The following PCDH11X variants were observed in gnomAD, a reference collection of about 807,000 sequenced individuals.
PCDH11X encodes protocadherin-11 X-linked.
PCDH11X carries 18 observed loss-of-function variants against 53.3 expected under a neutral mutation model. That is an observed-to-expected ratio of 0.34 (90% CI 0.23 to 0.50). PCDH11X has a LOEUF of 0.50. PCDH11X is among the 20% of genes least tolerant of loss of function. PCDH11X has a pLI of 0.98. For missense variants in PCDH11X, 570 were observed against 1,032.4 expected (o/e 0.55, Z 6.14); for synonymous variants, 279 against 393.3 (o/e 0.71, Z 3.44).
At chrX:92,084,912 T>C (rs1199861813) in intron 6 of PCDH11X, among the ~76,000 whole-genome samples, 4 of 111,080 alleles carry the variant, frequency 3.6e-5, no homozygotes, top group Non-Finnish European at 7.5e-5. Flanking sequence ...GGCTTCTTTA[T>C]TGATATAAGA....
intron 6 of PCDH11X, among the ~76,000 whole-genome samples, chrX:92,019,042 G>A (rs1237726963): frequency 2.7e-5 from 3 of 111,304 alleles, no homozygotes; most frequent in Admixed American, 9.6e-5. Context: ...GAGGGATCGA[G>A]ACAACTGGCA....
chrX:92,353,108 A>T (rs1170540955), intron 8 of PCDH11X, among the ~76,000 whole-genome samples: 23 of 111,444 alleles, frequency 2.1e-4, no homozygotes, highest in Non-Finnish European at 2.3e-4. Flanking sequence ...GTGACCATGT[A>T]TTATCTTGTC....
At chrX:92,038,222 C>CA (rs2063157596) in intron 6 of PCDH11X, among the ~76,000 whole-genome samples, 1 of 109,878 alleles carries the variant, frequency 9.1e-6, no homozygotes, top group Non-Finnish European at 1.9e-5. Context: ...ATCCCCAAGA[C>CA]AAAGGGGTCC....
intron 10 of PCDH11X, among the ~76,000 whole-genome samples, chrX:92,512,446 T>C (rs891126086): frequency 1.8e-5 from 2 of 111,834 alleles, no homozygotes; most frequent in Admixed American, 1.9e-4. Flanking sequence ...TGTTAAAATA[T>C]TTTTAGAGAG....
At chrX:92,155,923 C>A (rs3865925) in intron 6 of PCDH11X, among the ~76,000 whole-genome samples, 43,058 of 107,144 alleles carry the variant, frequency 0.4, 7,101 homozygotes, top group Non-Finnish European at 0.5. Flanking sequence ...CCACCGAGCC[C>A]GGCAGTTACT....
rs759187362 is a variant in PCDH11X at position 92,162,038 on chromosome X, T to A, written c.3034-39337T>A. Among the ~76,000 whole-genome samples the A allele has an allele frequency of 5.1e-5, 4 of 78,236 alleles. No individual in the cohort carries two copies. The South Asian group carries it at 2.9e-3, about 57-fold the overall frequency. 67.9% of individuals were successfully genotyped at this position (78,236 alleles called of 115,157 possible). A position where few individuals can be genotyped will look rare whatever the true frequency, so the allele number is the denominator to read the frequency against. ...TTCAGGTATATCAGAGATTTATTCTTGGTTTGTATTTATTGCTGGTGAGCA... is the reference window on the plus strand; with the variant it reads ...TTCAGGTATATCAGAGATTTATTCTAGGTTTGTATTTATTGCTGGTGAGCA... On this transcript the variant is annotated intron_variant, in intron 6 of 10. Coordinates refer to ENST00000682573, the MANE Select transcript of PCDH11X (RefSeq NM_032968.5).
chrX:92,558,293 A>G (rs1425880544), intron 10 of PCDH11X, among the ~76,000 whole-genome samples: 1 of 110,948 alleles, frequency 9.0e-6, no homozygotes, highest in Non-Finnish European at 1.9e-5. Context: ...CCATTTTTCT[A>G]TGTGCCCAGA....
chrX:92,507,079 C>T (rs1287023050), intron 10 of PCDH11X, among the ~76,000 whole-genome samples: 1 of 110,527 alleles, frequency 9.0e-6, no homozygotes, highest in Non-Finnish European at 1.9e-5. Context: ...CCCCCTTTTT[C>T]ATTTCTGACT....
chrX:92,454,748 T>A (rs2072876910), intron 9 of PCDH11X, among the ~76,000 whole-genome samples: 1 of 109,150 alleles, frequency 9.2e-6, no homozygotes, highest in Admixed American at 9.9e-5. Flanking sequence ...ATTCTTAGGT[T>A]TGGCTTTGTT....
chrX:92,278,313 G>C (rs1400126906), intron 8 of PCDH11X, among the ~76,000 whole-genome samples: 1 of 111,708 alleles, frequency 9.0e-6, no homozygotes, highest in East Asian at 2.9e-4. Context: ...GGAGGACAGG[G>C]GATTGATCTC....
At chrX:91,965,111 G>T (rs770294085) in intron 6 of PCDH11X, among the ~76,000 whole-genome samples, 2 of 110,878 alleles carry the variant, frequency 1.8e-5, no homozygotes, top group South Asian at 7.6e-4. Context: ...AAAGAACAGA[G>T]GATAAACTTA....
intron 10 of PCDH11X, among the ~76,000 whole-genome samples, chrX:92,524,199 T>C (rs2148719225): frequency 9.6e-6 from 1 of 104,435 alleles, no homozygotes; most frequent in African/African-American, 3.5e-5. Context: ...TCTGCCTTTA[T>C]CTTCATTGAT....
chrX:92,304,016 T>A (rs747412890), intron 8 of PCDH11X, among the ~76,000 whole-genome samples: 1 of 109,559 alleles, frequency 9.1e-6, no homozygotes, highest in African/African-American at 3.3e-5. Flanking sequence ...TCAACAATAA[T>A]GCTTAGAGAA....
intron 6 of PCDH11X, among the ~76,000 whole-genome samples, chrX:91,970,451 C>A (rs1334476080): frequency 9.0e-6 from 1 of 110,896 alleles, no homozygotes; most frequent in Non-Finnish European, 1.9e-5. Context: ...TCTCCAAGTC[C>A]CCTACCCGAT....
intron 6 of PCDH11X, among the ~76,000 whole-genome samples, chrX:92,038,927 C>A (rs1292812080): frequency 1.8e-5 from 2 of 111,223 alleles, no homozygotes; most frequent in African/African-American, 6.6e-5. Context: ...CCACCTAGAA[C>A]TGTAAATCCA....
chrX:92,461,135 C>T (rs2073034853), intron 9 of PCDH11X, among the ~76,000 whole-genome samples: 1 of 108,789 alleles, frequency 9.2e-6, no homozygotes, highest in African/African-American at 3.4e-5. Flanking sequence ...TTACAAAGTC[C>T]ATACTACCCA....
intron 6 of PCDH11X, among the ~76,000 whole-genome samples, chrX:92,053,849 G>A (rs1375437884): frequency 7.2e-5 from 8 of 111,804 alleles, no homozygotes; most frequent in Non-Finnish European, 1.3e-4. Context: ...GATTGTAGGC[G>A]TGAGCCACTG....
At chrX:92,145,193 G>A (rs1057109337) in intron 6 of PCDH11X, among the ~76,000 whole-genome samples, 3 of 111,393 alleles carry the variant, frequency 2.7e-5, no homozygotes, top group African/African-American at 9.8e-5. Context: ...TATTCATTAA[G>A]TGTAAACAAA....
Position 92,621,790 on chromosome X carries a change from ATG to A in PCDH11X, c.*2851_*2852del, listed in dbSNP as rs1928524762. 1 of 111,864 alleles carries A rather than the reference ATG, an allele frequency of 8.9e-6. No individual in the cohort carries two copies. The highest frequency in any genetic ancestry group is 1.9e-5 in the Non-Finnish European group (1 of 53,230). The allele number at this position is 111,864 out of a possible 1,213,427, so 9.2% of individuals were successfully genotyped here. On this transcript the variant is annotated 3_prime_UTR_variant, in exon 11 of 11. Transcript: ENST00000682573. ...GTCTTACTGAACCAACAATCAAAAA[ATG>A]GTTCTGTTTTAAAAAGGATTTTGTT... is the stretch of plus-strand genomic sequence containing the variant.
Sources: allele counts gnomAD v4.1 joint callset (sites outside exome capture counted in the v4.1 genomes callset), GRCh38; gene constraint gnomAD v4.1.1; transcripts MANE v1.5; gene names NCBI Gene and HGNC (gene_info 2026-07-23, HGNC 2026-07-21).